SGCG: variants seen among roughly 807,000 people sequenced by gnomAD.
SGCG encodes gamma-sarcoglycan.
In SGCG, 26 loss-of-function variants were observed where a neutral mutation model predicts 29.3. The ratio of observed to expected loss-of-function variants is 0.89; its 90% CI spans 0.65 to 1.23. The LOEUF is 1.23. Ranked by LOEUF, SGCG falls within the 50% of genes most tolerant of loss-of-function variation. SGCG has a pLI of 0.00. For synonymous variants in SGCG, 145 were observed against 129.7 expected (o/e 1.12, Z -0.80); for missense variants, 353 against 356.0 (o/e 0.99, Z 0.07).
chr13:23,170,308 C>G, the SGCG span, among the ~76,000 whole-genome samples: 6,260 of 152,274 alleles, frequency 0.041, 186 homozygotes, highest in South Asian at 0.07. Context: ...TTGGAATCCT[C>G]CTTTCCTATG....
intron 2 of SGCG, among the ~76,000 whole-genome samples, chr13:23,226,394 G>A (rs1003211368): frequency 6.6e-6 from 1 of 151,624 alleles, no homozygotes; most frequent in African/African-American, 2.4e-5. Flanking sequence ...ATATCTGTAT[G>A]TATTATAACT....
chr13:23,302,394 C>T (rs1279503516), intron 6 of SGCG, among the ~76,000 whole-genome samples: 1 of 151,974 alleles, frequency 6.6e-6, no homozygotes, highest in African/African-American at 2.4e-5. Context: ...AGTGCTATAG[C>T]ACACTAGAAC....
intron 4 of SGCG, 144 bp from the exon 5 acceptor site, chr13:23,279,215 C>T: frequency 2.8e-6 from 2 of 716,172 alleles, no homozygotes; most frequent in Non-Finnish European, 4.7e-6. Context: ...AGTTTAATCA[C>T]AGAATCAATC....
chr13:23,236,856 A>C (rs1036848753), intron 3 of SGCG, among the ~76,000 whole-genome samples: 1 of 152,180 alleles, frequency 6.6e-6, no homozygotes, highest in African/African-American at 2.4e-5. Flanking sequence ...TTCAGTAACA[A>C]TTTGAATAAT....
At chr13:23,275,479 G>T (rs1881037437) in intron 4 of SGCG, among the ~76,000 whole-genome samples, 2 of 150,302 alleles carry the variant, frequency 1.3e-5, no homozygotes, top group South Asian at 4.3e-4. Context: ...CTCCAGCCTG[G>T]GCGACAGAGC....
chr13:23,276,431 C>CTTTTTTTTT lies in SGCG; in HGVS notation c.386-2917_386-2909dup, dbSNP rs71100165. On this transcript the variant is annotated intron_variant, in intron 4 of 7. Coordinates refer to ENST00000218867, the MANE Select transcript of SGCG (RefSeq NM_000231.3). ...CATGAACGCTTTCTTTTTTAGTTTT[C>CTTTTTTTTT]TTTTTTTTTTTTTTTTTTTGAGACA... 9.5e-3 allele frequency among the ~76,000 whole-genome samples: 977 copies of CTTTTTTTTT among 102,328 alleles called. 37 individuals carry two copies. The highest frequency in any genetic ancestry group is 0.024 in the Middle Eastern group (2 of 84). The allele number at this position is 102,328 out of a possible 152,430, so 67.1% of individuals were successfully genotyped here. A position where few individuals can be genotyped will look rare whatever the true frequency, so the allele number is the denominator to read the frequency against.
intron 5 of SGCG, among the ~76,000 whole-genome samples, chr13:23,292,025 T>G (rs35958659): frequency 0.19 from 28,264 of 152,118 alleles, 2,717 homozygotes; most frequent in South Asian, 0.25. Context: ...GAGTTCTACC[T>G]GCTGCCCTCA....
At chr13:23,172,380 A>C in the SGCG span, among the ~76,000 whole-genome samples, 1 of 152,152 alleles carries the variant, frequency 6.6e-6, no homozygotes, top group African/African-American at 2.4e-5. Context: ...ACATTTATAA[A>C]TTATATTCAA....
intron 2 of SGCG, among the ~76,000 whole-genome samples, chr13:23,233,449 A>G (rs1879185004): frequency 1.3e-5 from 2 of 152,234 alleles, no homozygotes; most frequent in African/African-American, 4.8e-5. Context: ...AATGTGTACA[A>G]TTACAATGTC....
intron 6 of SGCG, among the ~76,000 whole-genome samples, chr13:23,315,837 CCTCT>C (rs1291709232): frequency 6.6e-6 from 1 of 152,170 alleles, no homozygotes; most frequent in Non-Finnish European, 1.5e-5. Flanking sequence ...TGTGGATGGA[CCTCT>C]CTGAGTGGTC....
intron 4 of SGCG, among the ~76,000 whole-genome samples, chr13:23,274,888 G>C (rs1271019492): frequency 5.9e-5 from 9 of 151,860 alleles, no homozygotes; most frequent in Non-Finnish European, 1.5e-5. Flanking sequence ...TATTTTAATG[G>C]CTATGTAATA....
At chr13:23,291,392 G>A (rs1356859747) in intron 5 of SGCG, among the ~76,000 whole-genome samples, 1 of 152,078 alleles carries the variant, frequency 6.6e-6, no homozygotes, top group African/African-American at 2.4e-5. Context: ...CATCTTGATT[G>A]TGAATATTTA....
intron 4 of SGCG, among the ~76,000 whole-genome samples, chr13:23,274,914 G>A (rs904740773): frequency 6.6e-6 from 1 of 151,830 alleles, no homozygotes; most frequent in African/African-American, 2.4e-5. Flanking sequence ...AGGAATACAT[G>A]TATAATAATT....
chr13:23,324,218 A>G (rs773031548), intron 7 of SGCG, 150 bp from the exon 8 acceptor site: 2 of 721,580 alleles, frequency 2.8e-6, no homozygotes, highest in Non-Finnish European at 4.9e-6. Flanking sequence ...AAAGAATCGG[A>G]TAATTACGAA....
chr13:23,320,555 C>A, intron 6 of SGCG, 82 bp from the exon 7 acceptor site: 1 of 1,191,792 alleles, frequency 8.4e-7, no homozygotes, highest in Non-Finnish European at 1.2e-6. Flanking sequence ...GTTATATTTC[C>A]CATGCTAAGT....
At position 23,279,355 on chromosome 13, in the gene SGCG, T is replaced by A; in HGVS notation, c.386-4T>A. The A allele has an allele frequency of 6.2e-7, 1 of 1,612,286 alleles. No individual in the cohort carries two copies. Among genetic ancestry groups the A allele is most frequent in the Non-Finnish European group, 8.5e-7 (1 of 1,178,874 alleles). ...GTTTATAATAAACTGTTTTAATTCT[T>A]CAGGTCCCAAAATGGTAGAAGTCCA... On this transcript the variant is annotated splice_region_variant and splice_polypyrimidine_tract_variant and intron_variant, in intron 4 of 7. Coordinates refer to ENST00000218867, the MANE Select transcript of SGCG (RefSeq NM_000231.3).
In SGCG at chr13:23,181,824, G is replaced by A. The variant is rs527515986; in HGVS notation, c.-1+749G>A. On this transcript the variant is annotated intron_variant, in intron 1 of 7. Transcript: ENST00000218867. ...AGGAAGGATTAGAAAAAAATAATAC[G>A]GAAAAATATAACTCAGCTGACTGAA... Among the ~76,000 whole-genome samples the A allele has an allele frequency of 6.5e-3, 990 of 152,156 alleles. 11 individuals are homozygous for A. The highest frequency in any genetic ancestry group is 0.022 in the African/African-American group (922 of 41,504).
chr13:23,230,590 G>C (rs1879070928), intron 2 of SGCG, among the ~76,000 whole-genome samples: 1 of 152,126 alleles, frequency 6.6e-6, no homozygotes, highest in Non-Finnish European at 1.5e-5. Context: ...GCTTAGGGGT[G>C]CTGTTAATGT....
intron 3 of SGCG, among the ~76,000 whole-genome samples, chr13:23,236,130 A>C (rs1045084797): frequency 2.0e-5 from 3 of 152,190 alleles, no homozygotes; most frequent in Admixed American, 6.5e-5. Context: ...CCCTTACCTT[A>C]TGTCATACAC....
Sources: allele counts gnomAD v4.1 joint callset (sites outside exome capture counted in the v4.1 genomes callset), GRCh38; gene constraint gnomAD v4.1.1; transcripts MANE v1.5; gene names NCBI Gene and HGNC (gene_info 2026-07-23, HGNC 2026-07-21).